HCN1: variants seen among roughly 807,000 people sequenced by gnomAD.
The protein encoded by HCN1 is potassium/sodium hyperpolarization-activated cyclic nucleotide-gated channel 1.
A neutral mutation model predicts 78.9 loss-of-function variants in HCN1; 13 were observed. The ratio of observed to expected loss-of-function variants is 0.16; its 90% CI spans 0.11 to 0.26. The LOEUF (loss-of-function observed/expected upper bound fraction) is 0.26. Ranked by LOEUF, HCN1 falls within the 10% of genes least tolerant of loss-of-function variation. The pLI, the probability that HCN1 is intolerant of heterozygous loss-of-function variation, is 1.00. For synonymous variants in HCN1, 552 were observed against 455.5 expected (o/e 1.21, Z -2.70); for missense variants, 810 against 1,154.3 (o/e 0.70, Z 4.32).
intron 2 of HCN1, among the ~76,000 whole-genome samples, chr5:45,581,552 T>C (rs1744073067): frequency 6.6e-6 from 1 of 152,214 alleles, no homozygotes; most frequent in Admixed American, 6.5e-5. Flanking sequence ...ATTTTGGCTT[T>C]GGTTGCTATT....
At chr5:45,543,028 TAGA>T (rs1303753160) in intron 2 of HCN1, among the ~76,000 whole-genome samples, 1 of 152,106 alleles carries the variant, frequency 6.6e-6, no homozygotes, top group Admixed American at 6.6e-5. Flanking sequence ...ACATTTTGAA[TAGA>T]AGATGGTCCC....
At chr5:45,298,793 G>C (rs959273205) in intron 6 of HCN1, among the ~76,000 whole-genome samples, 3 of 151,914 alleles carry the variant, frequency 2.0e-5, no homozygotes, top group Non-Finnish European at 2.9e-5. Context: ...ACCTTCCAAA[G>C]AGTACAGTAT....
At chr5:45,679,090 A>G (rs1438853601) in intron 1 of HCN1, among the ~76,000 whole-genome samples, 1 of 152,068 alleles carries the variant, frequency 6.6e-6, no homozygotes, top group Non-Finnish European at 1.5e-5. Flanking sequence ...TGACTAAGTC[A>G]TTGGATCAGC....
intron 3 of HCN1, among the ~76,000 whole-genome samples, chr5:45,433,591 T>TA (rs1740506924): frequency 6.6e-6 from 1 of 152,168 alleles, no homozygotes; most frequent in Non-Finnish European, 1.5e-5. Context: ...TTAGTATTGA[T>TA]ATATGCAGAT....
intron 5 of HCN1, among the ~76,000 whole-genome samples, chr5:45,333,891 A>G (rs1412643719): frequency 6.6e-6 from 1 of 151,720 alleles, no homozygotes; most frequent in Non-Finnish European, 1.5e-5. Context: ...TTATTGCCTG[A>G]CTTTTAGATA....
chr5:45,424,311 A>C (rs1740294868), intron 3 of HCN1, among the ~76,000 whole-genome samples: 1 of 151,842 alleles, frequency 6.6e-6, no homozygotes, highest in African/African-American at 2.4e-5. Flanking sequence ...AAACAAACAA[A>C]AAACAAAAAC....
intron 5 of HCN1, among the ~76,000 whole-genome samples, chr5:45,324,620 G>C (rs1253938295): frequency 6.6e-6 from 1 of 151,762 alleles, no homozygotes; most frequent in African/African-American, 2.4e-5. Flanking sequence ...AGAGACAGGT[G>C]AAAAAGAAGA....
intron 5 of HCN1, among the ~76,000 whole-genome samples, chr5:45,349,565 A>C (rs1027345291): frequency 6.6e-6 from 1 of 152,356 alleles, no homozygotes; most frequent in South Asian, 2.1e-4. Context: ...AAACCCTTCA[A>C]AAAATTAAAG....
rs1744646443 is a variant in HCN1 at position 45,257,646 on chromosome 5, G to A, written c.*4275C>T. Reference sequence around the variant, plus strand: ...AGACAAGAGATGCAGGGTTGTGCAAGTGCAGGGTTGTTAAAAAGGAAAAAA... The same window carrying A: ...AGACAAGAGATGCAGGGTTGTGCAAATGCAGGGTTGTTAAAAAGGAAAAAA... On this transcript the variant is annotated 3_prime_UTR_variant, in exon 8 of 8. Coordinates refer to ENST00000303230, the MANE Select transcript of HCN1 (RefSeq NM_021072.4). 6.6e-6 allele frequency: 1 copy of A among 152,144 alleles called. No homozygotes were observed. The highest frequency in any genetic ancestry group is 1.5e-5 in the Non-Finnish European group (1 of 68,030). The allele number at this position is 152,144 out of a possible 1,614,324, so 9.4% of individuals were successfully genotyped here. A position where few individuals can be genotyped will look rare whatever the true frequency, so the allele number is the denominator to read the frequency against.
At chr5:45,272,469 A>G (rs976009463) in intron 6 of HCN1, among the ~76,000 whole-genome samples, 2 of 152,112 alleles carry the variant, frequency 1.3e-5, no homozygotes, top group African/African-American at 4.8e-5. Flanking sequence ...CAGAAACCAT[A>G]TAGTTACCTT....
chr5:45,378,445 G>A (rs988856299), intron 4 of HCN1, among the ~76,000 whole-genome samples: 10 of 152,038 alleles, frequency 6.6e-5, no homozygotes, highest in Non-Finnish European at 1.5e-4. Context: ...TATGTTCCAT[G>A]TGAGTTTGAG....
chr5:45,616,437 A>G (rs535612187), intron 2 of HCN1, among the ~76,000 whole-genome samples: 1 of 152,112 alleles, frequency 6.6e-6, no homozygotes, highest in East Asian at 1.9e-4. Context: ...CACTAATATC[A>G]TGTACTGATT....
intron 2 of HCN1, among the ~76,000 whole-genome samples, chr5:45,630,993 T>C (rs1267484573): frequency 6.6e-6 from 1 of 152,190 alleles, no homozygotes; most frequent in Non-Finnish European, 1.5e-5. Flanking sequence ...TATAAAAACG[T>C]AGATCACATT....
chr5:45,617,745 C>A (rs1744981768), intron 2 of HCN1, among the ~76,000 whole-genome samples: 1 of 149,074 alleles, frequency 6.7e-6, no homozygotes, highest in African/African-American at 2.4e-5. Context: ...GAAATGTTTT[C>A]ATATTGTAAA....
At position 45,258,422 on chromosome 5, in the gene HCN1, C is replaced by T. The variant is rs189486029; in HGVS notation, c.*3499G>A. 6.6e-6 allele frequency: 1 copy of T among 152,138 alleles called. No individual in the cohort carries two copies. The highest frequency in any genetic ancestry group is 2.1e-4 in the South Asian group (1 of 4,832). The allele number at this position is 152,138 out of a possible 1,614,324, so 9.4% of individuals were successfully genotyped here. Reference sequence around the variant, plus strand: ...TAACCATCTCTTTAAAGTGGAACAGCATTCATCAGGGAATTGTTCACTTAT... The same window carrying T: ...TAACCATCTCTTTAAAGTGGAACAGTATTCATCAGGGAATTGTTCACTTAT... On this transcript the variant is annotated 3_prime_UTR_variant, in exon 8 of 8. Coordinates refer to ENST00000303230, the MANE Select transcript of HCN1 (RefSeq NM_021072.4).
intron 3 of HCN1, among the ~76,000 whole-genome samples, chr5:45,451,913 T>A (rs1579904000): frequency 1.3e-5 from 2 of 152,132 alleles, no homozygotes; most frequent in East Asian, 3.9e-4. Flanking sequence ...TAGCACACAG[T>A]GATCTCTAAA....
intron 5 of HCN1, among the ~76,000 whole-genome samples, chr5:45,310,251 T>C (rs1745823422): frequency 6.6e-6 from 1 of 152,098 alleles, no homozygotes; most frequent in Non-Finnish European, 1.5e-5. Context: ...GCAGAAAATT[T>C]TGTAAACTGT....
intron 3 of HCN1, among the ~76,000 whole-genome samples, chr5:45,421,598 C>CA (rs1740230030): frequency 6.6e-6 from 1 of 151,574 alleles, no homozygotes; most frequent in East Asian, 1.9e-4. Context: ...CAGTATATTC[C>CA]AAAAAATATA....
At chr5:45,433,326 T>TATG (rs1347468712) in intron 3 of HCN1, among the ~76,000 whole-genome samples, 1 of 152,140 alleles carries the variant, frequency 6.6e-6, no homozygotes, top group African/African-American at 2.4e-5. Context: ...GCCTGAAGTT[T>TATG]ATGTTGTTAT....
Sources: allele counts gnomAD v4.1 joint callset (sites outside exome capture counted in the v4.1 genomes callset), GRCh38; gene constraint gnomAD v4.1.1; transcripts MANE v1.5; gene names NCBI Gene and HGNC (gene_info 2026-07-23, HGNC 2026-07-21).